Variants in DPP6 observed in about 807,000 individuals in gnomAD.
The protein encoded by DPP6 is dipeptidyl peptidase like 6.
In DPP6, 69 loss-of-function variants were observed where a neutral mutation model predicts 122.6. The ratio of observed to expected loss-of-function variants is 0.56; its 90% confidence interval spans 0.46 to 0.69. The LOEUF (loss-of-function observed/expected upper bound fraction) is 0.69, where lower values mean the gene tolerates loss of function less well. Ranked by LOEUF, DPP6 falls within the 30% of genes least tolerant of loss-of-function variation. The probability of loss-of-function intolerance (pLI) is 0.00; values close to 1 mark genes in which losing one functional copy is unlikely to be tolerated. For synonymous variants in DPP6, 418 were observed against 433.1 expected (o/e 0.97, Z 0.43); for missense variants, 928 against 1,116.9 (o/e 0.83, Z 2.41).
intron 8 of DPP6, among the ~76,000 whole-genome samples, chr7:154,742,562 T>G (rs953045727): frequency 6.6e-6 from 1 of 152,260 alleles, no homozygotes; most frequent in East Asian, 1.9e-4. Context: ...GTTTTTGTTT[T>G]ACGACATTTC....
At chr7:154,230,289 C>T (rs1320789635) in intron 1 of DPP6, among the ~76,000 whole-genome samples, 4 of 152,200 alleles carry the variant, frequency 2.6e-5, no homozygotes, top group African/African-American at 7.2e-5. Flanking sequence ...AAGATTTGCT[C>T]TGCAAGGAAT....
chr7:154,172,138 C>G (rs1797564665), intron 1 of DPP6, among the ~76,000 whole-genome samples: 1 of 113,306 alleles, frequency 8.8e-6, no homozygotes, highest in Non-Finnish European at 1.8e-5. Context: ...CCCTCCCTTC[C>G]TTCCTTCTTC....
At chr7:153,774,194 A>G in the DPP6 span, among the ~76,000 whole-genome samples, 1 of 152,176 alleles carries the variant, frequency 6.6e-6, no homozygotes, top group Non-Finnish European at 1.5e-5. Flanking sequence ...GGGAAGACAC[A>G]TCAGCAAAGT....
At chr7:154,350,913 A>C (rs748495175) in intron 1 of DPP6, among the ~76,000 whole-genome samples, 5 of 152,178 alleles carry the variant, frequency 3.3e-5, no homozygotes, top group Non-Finnish European at 5.9e-5. Flanking sequence ...AAATGAAATC[A>C]TAAGGATGTA....
chr7:154,159,545 C>T, intron 1 of DPP6, among the ~76,000 whole-genome samples: 1 of 152,262 alleles, frequency 6.6e-6, no homozygotes, highest in East Asian at 1.9e-4. Context: ...TGACTTAAAT[C>T]AAAAGGTAAT....
chr7:154,183,151 C>A (rs1798177819), intron 1 of DPP6, among the ~76,000 whole-genome samples: 1 of 152,192 alleles, frequency 6.6e-6, no homozygotes, highest in Non-Finnish European at 1.5e-5. Flanking sequence ...CATCACTTTT[C>A]TCTTCCTCCT....
At chr7:154,461,890 T>G (rs1038095290) in intron 2 of DPP6, among the ~76,000 whole-genome samples, 2 of 152,206 alleles carry the variant, frequency 1.3e-5, no homozygotes, top group African/African-American at 2.4e-5. Flanking sequence ...CCATTTTTGC[T>G]TTGGTTGCCT....
intron 16 of DPP6, among the ~76,000 whole-genome samples, chr7:154,820,212 C>T (rs961545818): frequency 2.0e-5 from 3 of 152,146 alleles, no homozygotes; most frequent in African/African-American, 2.4e-5. Flanking sequence ...ACGGGACACG[C>T]GAAAGGGAGG....
chr7:154,286,343 C>T (rs550378283), intron 1 of DPP6, among the ~76,000 whole-genome samples: 2 of 152,250 alleles, frequency 1.3e-5, no homozygotes, highest in Admixed American at 6.5e-5. Flanking sequence ...CGGTCTGCAA[C>T]TCATGTGCAT....
intron 1 of DPP6, among the ~76,000 whole-genome samples, chr7:154,402,707 C>A (rs1015566143): frequency 1.0e-4 from 15 of 150,538 alleles, no homozygotes; most frequent in Admixed American, 2.6e-4. Flanking sequence ...ATGTAACTAA[C>A]CTGCACAATG....
chr7:153,903,556 G>A (rs139173307), intron 1 of DPP6, among the ~76,000 whole-genome samples: 3 of 152,282 alleles, frequency 2.0e-5, no homozygotes, highest in Non-Finnish European at 2.9e-5. Flanking sequence ...CATCTGAAGA[G>A]AAGAGATTAA....
At chr7:154,767,669 C>T (rs955151) in intron 8 of DPP6, among the ~76,000 whole-genome samples, 31,767 of 152,052 alleles carry the variant, frequency 0.21, 4,123 homozygotes, top group Non-Finnish European at 0.29. Flanking sequence ...GGCTGTTGTG[C>T]CCCTAGCTTT....
At chr7:154,771,060 G>C (rs1013048590) in intron 9 of DPP6, among the ~76,000 whole-genome samples, 12 of 152,204 alleles carry the variant, frequency 7.9e-5, no homozygotes, top group African/African-American at 2.4e-4. Context: ...CAGCATCCTA[G>C]CCCACCAGAG....
chr7:154,503,151 G>T (rs977812633), intron 3 of DPP6, among the ~76,000 whole-genome samples: 1 of 152,202 alleles, frequency 6.6e-6, no homozygotes, highest in African/African-American at 2.4e-5. Flanking sequence ...TTGCAATACA[G>T]TACAGCCTTT....
chr7:154,023,950 T>G (rs1230259804), intron 1 of DPP6, among the ~76,000 whole-genome samples: 14 of 152,208 alleles, frequency 9.2e-5, no homozygotes, highest in Admixed American at 7.2e-4. Context: ...CCCAACAGCT[T>G]ACCTGCAGCA....
intron 1 of DPP6, among the ~76,000 whole-genome samples, chr7:154,174,142 G>C (rs890148760): frequency 1.3e-5 from 2 of 152,160 alleles, no homozygotes; most frequent in Admixed American, 1.3e-4. Context: ...ATGACCGGGG[G>C]ACCTGAGTCA....
intron 6 of DPP6, among the ~76,000 whole-genome samples, chr7:154,660,010 G>A (rs1586829515): frequency 6.6e-6 from 1 of 152,344 alleles, no homozygotes; most frequent in African/African-American, 2.4e-5. Context: ...ATAAGGTTGG[G>A]ACTAGGATGC....
intron 1 of DPP6, among the ~76,000 whole-genome samples, chr7:154,039,309 A>G (rs1267535166): frequency 1.4e-5 from 2 of 147,922 alleles, no homozygotes; most frequent in Non-Finnish European, 2.9e-5. Context: ...CTGATTGAAA[A>G]CAAATTAGCT....
chr7:154,081,373 A>G (rs1408218727), intron 1 of DPP6, among the ~76,000 whole-genome samples: 1 of 146,020 alleles, frequency 6.8e-6, no homozygotes, highest in Admixed American at 7.0e-5. Flanking sequence ...TCACTGTGCC[A>G]TGGAAAACCA....
Sources: gnomAD v4.1 joint callset for allele counts (sites outside exome capture counted in the v4.1 genomes callset) on GRCh38, gnomAD v4.1.1 for gene constraint, MANE v1.5 for transcripts, NCBI Gene and HGNC (gene_info 2026-07-23, HGNC 2026-07-21) for gene names.